The following ZMYM1 variants were observed in gnomAD, a reference collection of about 807,000 sequenced individuals.
ZMYM1 encodes zinc finger MYM-type containing 1.
ZMYM1 carries 39 observed loss-of-function variants against 60.0 expected under a neutral mutation model. The observed-to-expected ratio is 0.65, with a 90% CI of 0.50 to 0.85. The LOEUF (loss-of-function observed/expected upper bound fraction) is 0.85. ZMYM1 is among the 40% of genes least tolerant of loss of function. The pLI is 0.00. For synonymous variants in ZMYM1, 413 were observed against 454.0 expected (o/e 0.91, Z 1.15); for missense variants, 1,171 against 1,309.5 (o/e 0.89, Z 1.63).
At chr1:35,097,880 C>G (rs903668046) in intron 4 of ZMYM1, among the ~76,000 whole-genome samples, 6 of 152,160 alleles carry the variant, frequency 3.9e-5, no homozygotes, top group African/African-American at 1.2e-4. Flanking sequence ...AACTCCTGAC[C>G]TCAGGTGATC....
In ZMYM1 at chr1:35,114,115, AAG is replaced by A; in HGVS notation, c.2287_2288del (p.Glu763ThrfsTer30). On this transcript the variant is annotated frameshift_variant, in exon 10 of 10. Transcript: ENST00000359858. LOFTEE classifies it high-confidence loss of function. ...ATAATTAGGTTTTGTAAAGAAGTAA[AAG>A]AACTCCGAAGTGCTCTAAAAACTCT... 1 of 1,612,522 alleles carries A rather than the reference AAG, an allele frequency of 6.2e-7. No homozygotes were observed. The highest frequency in any genetic ancestry group is 8.5e-7 in the Non-Finnish European group (1 of 1,179,564).
chr1:35,118,796 AAAT>A (rs372916016), downstream of ZMYM1, among the ~76,000 whole-genome samples: 1,374 of 152,360 alleles, frequency 9.0e-3, 3 homozygotes, highest in Non-Finnish European at 0.014. Flanking sequence ...ATAATGTAAA[AAAT>A]AAACTTACAT....
intron 4 of ZMYM1, among the ~76,000 whole-genome samples, chr1:35,098,918 C>G (rs555093986): frequency 6.6e-6 from 1 of 152,246 alleles, no homozygotes; most frequent in East Asian, 1.9e-4. Flanking sequence ...TTTCTCAGGT[C>G]TTACCCAGAC....
rs530441404 is a variant in ZMYM1 at position 35,082,589 on chromosome 1, C to G, written c.-75+3147C>G. Among the ~76,000 whole-genome samples the G allele has an allele frequency of 2.6e-5, 4 of 151,834 alleles. No individual in the cohort carries two copies. The South Asian group carries it at 8.4e-4, about 32-fold the overall frequency. On this transcript the variant is annotated intron_variant, in intron 1 of 9. Transcript: ENST00000359858. ...CAAGTGATCCGCCTGCCTCAGCCTC[C>G]TAAAGTGTTGGGATTACAGGCGTGA...
At chr1:35,118,279 A>G (rs1638534973), downstream of ZMYM1, among the ~76,000 whole-genome samples, 1 of 151,202 alleles carries the variant, frequency 6.6e-6, no homozygotes, top group Non-Finnish European at 1.5e-5. Context: ...AGTTAACTCT[A>G]GTATTGAATG....
At chr1:35,109,603 GCTC>G (rs1274009009) in intron 6 of ZMYM1, among the ~76,000 whole-genome samples, 1 of 152,034 alleles carries the variant, frequency 6.6e-6, no homozygotes, top group African/African-American at 2.4e-5. Flanking sequence ...CTCCTTCCTG[GCTC>G]CTCCTCAGCA....
intron 6 of ZMYM1, among the ~76,000 whole-genome samples, chr1:35,107,809 A>G (rs1395075342): frequency 6.6e-6 from 1 of 152,178 alleles, no homozygotes; most frequent in Non-Finnish European, 1.5e-5. Context: ...TAACTTAATT[A>G]TAAATGATAC....
Position 35,114,704 on chromosome 1 carries a change from AAC to A in ZMYM1, c.2876_2877del (p.Thr959ArgfsTer5). The A allele has an allele frequency of 6.3e-7, 1 of 1,577,684 alleles. No individual in the cohort carries two copies. The highest frequency in any genetic ancestry group is 8.6e-7 in the Non-Finnish European group (1 of 1,164,944). On this transcript the variant is annotated frameshift_variant, in exon 10 of 10. Coordinates refer to ENST00000359858, the MANE Select transcript of ZMYM1 (RefSeq NM_024772.5). LOFTEE classifies it low-confidence loss of function (END_TRUNC). ...NSDNMFFPTSTEEQYKINIYY... is the reference protein window; with the variant it reads ...NSDNMFFPTSXEEQYKINIYY... ...CAGATAATATGTTTTTTCCTACTTC[AAC>A]AGAAGAACAATATAAAATTAATATC...
rs960326195 is a variant in ZMYM1, at chr1:35,104,675, A to G, written c.713A>G (p.Tyr238Cys). The part of the protein sequence containing the change: ...IMNCCENCGT[Y>C]CYTSSSLSHI... ...AACTGCTGTGAGAACTGTGGCACTT[A>G]CTGTTACACCAGCTCTAGTCTGTCC... The change falls in exon 6 of 10, where the codon TAC (tyrosine) becomes TGC (cysteine). Residue 238 changes from tyrosine to cysteine, a missense_variant. By Grantham distance (194) the Tyr-to-Cys change is radical. Transcript: ENST00000359858. The G allele has an allele frequency of 5.0e-6, 8 of 1,614,206 alleles. No homozygotes were observed. Among genetic ancestry groups the G allele is most frequent in the Non-Finnish European group, 6.8e-6 (8 of 1,180,032 alleles).
chr1:35,074,536 G>A (rs1221474554), upstream of ZMYM1, among the ~76,000 whole-genome samples: 1 of 151,800 alleles, frequency 6.6e-6, no homozygotes, highest in African/African-American at 2.4e-5. Flanking sequence ...AGCCTCCCAA[G>A]TAGCTGGGAT....
At chr1:35,106,284 C>T (rs1643886545) in intron 6 of ZMYM1, among the ~76,000 whole-genome samples, 1 of 151,980 alleles carries the variant, frequency 6.6e-6, no homozygotes, top group Admixed American at 6.6e-5. Flanking sequence ...TATTTTGAGA[C>T]CCAACTCTAT....
intron 4 of ZMYM1, among the ~76,000 whole-genome samples, chr1:35,101,268 C>T (rs565989074): frequency 2.0e-5 from 3 of 151,374 alleles, no homozygotes; most frequent in Admixed American, 6.6e-5. Flanking sequence ...ATCACCATGC[C>T]CCGTTAATTT....
chr1:35,079,591 G>A (rs963488595), intron 1 of ZMYM1, 149 bp downstream of exon 1: 2 of 152,550 alleles, frequency 1.3e-5, no homozygotes, highest in Non-Finnish European at 2.9e-5. Flanking sequence ...CGCCAGATGG[G>A]GGTCGGGAAC....
Position 35,113,315 on chromosome 1 carries a change from T to G in ZMYM1, c.1485T>G (p.Phe495Leu). ...ATTTTAGCTGTGGAAGAGAGTCATT[T>G]GCAACCCACGGAACTTCTAATTGGA... The part of the protein sequence containing the change: ...QKYFSCGRES[F>L]ATHGTSNWKK... The change falls in exon 10 of 10, where the codon TTT becomes TTG. Residue 495 changes from phenylalanine to leucine, a missense_variant. Coordinates refer to ENST00000359858, the MANE Select transcript of ZMYM1 (RefSeq NM_024772.5). 1 of 1,613,114 alleles carries G rather than the reference T, an allele frequency of 6.2e-7. No individual in the cohort carries two copies.
At chr1:35,102,338 T>C (rs1014160944) in intron 4 of ZMYM1, among the ~76,000 whole-genome samples, 31 of 152,242 alleles carry the variant, frequency 2.0e-4, no homozygotes, top group Non-Finnish European at 4.4e-4. Flanking sequence ...ATCTATCTTG[T>C]ACTTTGAATG....
intron 4 of ZMYM1, among the ~76,000 whole-genome samples, chr1:35,100,738 G>A (rs1191664027): frequency 6.6e-6 from 1 of 151,728 alleles, no homozygotes; most frequent in Non-Finnish European, 1.5e-5. Flanking sequence ...AATCAATAAA[G>A]TCCAAAATAG....
chr1:35,098,603 T>G (rs770094711), intron 4 of ZMYM1, among the ~76,000 whole-genome samples: 8 of 152,158 alleles, frequency 5.3e-5, no homozygotes, highest in Non-Finnish European at 1.0e-4. Context: ...ACCCAAGAGT[T>G]TGTTAGAAAT....
intron 2 of ZMYM1, 67 bp from the exon 3 acceptor site, chr1:35,095,752 G>A: frequency 1.5e-6 from 2 of 1,301,808 alleles, no homozygotes; most frequent in Non-Finnish European, 2.1e-6. Flanking sequence ...ATTTTCTGTT[G>A]AATGACTGGT....
chr1:35,116,710 G>A (rs1453197132), downstream of ZMYM1, among the ~76,000 whole-genome samples: 3 of 152,008 alleles, frequency 2.0e-5, no homozygotes, highest in Admixed American at 2.0e-4. Flanking sequence ...CGCCCACCTG[G>A]GCCTCCCAAA....
Sources: gnomAD v4.1 joint callset for allele counts (sites outside exome capture counted in the v4.1 genomes callset) on GRCh38, gnomAD v4.1.1 for gene constraint, MANE v1.5 for transcripts, NCBI Gene and HGNC (gene_info 2026-07-23, HGNC 2026-07-21) for gene names.